NSG2: variants seen among roughly 807,000 people sequenced by gnomAD.
NSG2 encodes neuronal vesicle trafficking-associated protein 2.
In NSG2, 4 loss-of-function variants were observed where a neutral mutation model predicts 16.9. The ratio of observed to expected loss-of-function variants is 0.24; its 90% CI spans 0.12 to 0.54. NSG2 has a LOEUF of 0.54. NSG2 is among the 20% of genes least tolerant of loss of function. The pLI, the probability that NSG2 is intolerant of heterozygous loss-of-function variation, is 0.95. For synonymous variants in NSG2, 98 were observed against 88.7 expected (o/e 1.11, Z -0.59); for missense variants, 179 against 221.1 (o/e 0.81, Z 1.21).
At position 174,108,617 on chromosome 5, in the gene NSG2, T is replaced by G. The variant is rs1761022671; in HGVS notation, c.*1112T>G. 6.6e-6 allele frequency: 1 copy of G among 152,304 alleles called. No homozygotes were observed. The highest frequency in any genetic ancestry group is 1.9e-4 in the East Asian group (1 of 5,314). The allele number at this position is 152,304 out of a possible 1,614,324, so 9.4% of individuals were successfully genotyped here. ...ACTTCGTTGTGTTAAAAGGGGACAT[T>G]TGTCCAAACTCCCCAACCGAGTTCT... On this transcript the variant is annotated 3_prime_UTR_variant, in exon 5 of 5. Transcript: ENST00000303177.
chr5:174,066,257 C>A (rs1760137587), intron 3 of NSG2: 3 of 456,158 alleles, frequency 6.6e-6, no homozygotes, highest in South Asian at 4.6e-5. Flanking sequence ...CAGCTGCGTA[C>A]AAGTACTTGC....
chr5:174,093,461 C>T lies in NSG2; in HGVS notation c.214-10767C>T, dbSNP rs1484056437. Among the ~76,000 whole-genome samples the T allele has an allele frequency of 5.3e-5, 8 of 152,254 alleles. No individual in the cohort carries two copies. The East Asian group carries it at 1.3e-3, about 26-fold the overall frequency. ...CCCAGGTTCATTGGTGAGCAGGTGGCGAGCTGTGCTTTCAGTCTAGACCTT... is the reference window on the plus strand; with the variant it reads ...CCCAGGTTCATTGGTGAGCAGGTGGTGAGCTGTGCTTTCAGTCTAGACCTT... On this transcript the variant is annotated intron_variant, in intron 3 of 4. Transcript: ENST00000303177.
chr5:174,086,063 C>G (rs551488818), intron 3 of NSG2, among the ~76,000 whole-genome samples: 1 of 152,184 alleles, frequency 6.6e-6, no homozygotes, highest in East Asian at 1.9e-4. Flanking sequence ...TTTTTGTGGA[C>G]ACATGTTTCA....
At chr5:174,065,189 G>A (rs545282872) in intron 3 of NSG2, among the ~76,000 whole-genome samples, 28 of 151,998 alleles carry the variant, frequency 1.8e-4, no homozygotes, top group Non-Finnish European at 7.4e-5. Flanking sequence ...TTAGCTGGGC[G>A]TAGTGGCGGG....
chr5:174,074,621 A>T (rs975953104), intron 3 of NSG2, among the ~76,000 whole-genome samples: 2 of 152,058 alleles, frequency 1.3e-5, no homozygotes, highest in Non-Finnish European at 2.9e-5. Flanking sequence ...TAGGGGCTGC[A>T]GTGTGATGTC....
At chr5:174,100,740 G>A (rs1325320438) in intron 3 of NSG2, among the ~76,000 whole-genome samples, 2 of 152,218 alleles carry the variant, frequency 1.3e-5, no homozygotes, top group Non-Finnish European at 2.9e-5. Flanking sequence ...TTAACTCAGG[G>A]GACGTTAGCA....
intron 2 of NSG2, among the ~76,000 whole-genome samples, chr5:174,062,040 C>T (rs1760061742): frequency 6.6e-6 from 1 of 151,852 alleles, no homozygotes; most frequent in African/African-American, 2.4e-5. Context: ...GTGCAAGGCT[C>T]CACTCTACAG....
chr5:174,104,121 C>CT, intron 3 of NSG2, 107 bp from the exon 4 acceptor site: 1 of 767,156 alleles, frequency 1.3e-6, no homozygotes, highest in Non-Finnish European at 2.3e-6. Flanking sequence ...GCCTGTCCCC[C>CT]TTTCTAGCAC....
rs537399482 is a variant in NSG2 at position 174,091,485 on chromosome 5, G to A, written c.214-12743G>A. 3.3e-5 allele frequency among the ~76,000 whole-genome samples: 5 copies of A among 152,334 alleles called. No homozygotes were observed. In the East Asian group the frequency reaches 9.7e-4, roughly 29 times the overall value. Reference sequence around the variant, plus strand: ...ATAGCACATGTGATGTGTGGCTGCAGCTGGAACTGATGGCCTTGGGAGCCT... The same window carrying A: ...ATAGCACATGTGATGTGTGGCTGCAACTGGAACTGATGGCCTTGGGAGCCT... On this transcript the variant is annotated intron_variant, in intron 3 of 4. Transcript: ENST00000303177.
intron 4 of NSG2, among the ~76,000 whole-genome samples, chr5:174,105,803 G>A (rs1367519081): frequency 6.6e-6 from 1 of 152,196 alleles, no homozygotes; most frequent in Non-Finnish European, 1.5e-5. Flanking sequence ...GGGAGGCTGA[G>A]GCAGGAGAAT....
intron 2 of NSG2, among the ~76,000 whole-genome samples, chr5:174,050,791 G>T (rs1018462946): frequency 6.6e-6 from 1 of 152,058 alleles, no homozygotes; most frequent in African/African-American, 2.4e-5. Flanking sequence ...GTGCTGGAGA[G>T]ACTGGTGTTT....
At chr5:174,073,629 TATTA>T (rs2113446271) in intron 3 of NSG2, among the ~76,000 whole-genome samples, 1 of 152,352 alleles carries the variant, frequency 6.6e-6, no homozygotes, top group East Asian at 1.9e-4. Context: ...TGTATGCTGT[TATTA>T]ATTGATAGTT....
chr5:174,054,474 T>C (rs1266416295), intron 2 of NSG2, among the ~76,000 whole-genome samples: 1 of 152,168 alleles, frequency 6.6e-6, no homozygotes, highest in Non-Finnish European at 1.5e-5. Context: ...TCGCGAACTC[T>C]TGGGCTCAAG....
intron 3 of NSG2, among the ~76,000 whole-genome samples, chr5:174,090,185 A>G (rs949466963): frequency 3.3e-5 from 5 of 152,216 alleles, no homozygotes; most frequent in African/African-American, 9.6e-5. Context: ...GGCTGTATGC[A>G]TGGCTGTGAT....
At chr5:174,096,651 G>C (rs1760798033) in intron 3 of NSG2, among the ~76,000 whole-genome samples, 1 of 152,178 alleles carries the variant, frequency 6.6e-6, no homozygotes, top group Non-Finnish European at 1.5e-5. Context: ...TGGAGGCCCA[G>C]GAGCAGTGAG....
intron 3 of NSG2, among the ~76,000 whole-genome samples, chr5:174,089,116 C>T (rs1216979570): frequency 6.6e-6 from 1 of 152,186 alleles, no homozygotes; most frequent in African/African-American, 2.4e-5. Context: ...TGGAATCCCA[C>T]CACTCTTGCC....
chr5:174,068,476 G>A (rs551739015), intron 3 of NSG2, among the ~76,000 whole-genome samples: 1 of 152,216 alleles, frequency 6.6e-6, no homozygotes, highest in Non-Finnish European at 1.5e-5. Flanking sequence ...ATTTTGCTAT[G>A]GATGGTGCTG....
chr5:174,104,825 C>T (rs902917765), intron 4 of NSG2, among the ~76,000 whole-genome samples: 1 of 152,176 alleles, frequency 6.6e-6, no homozygotes, highest in Non-Finnish European at 1.5e-5. Context: ...GCTGCATGAC[C>T]TCTGGGAGTT....
chr5:174,099,486 T>G (rs1760866196), intron 3 of NSG2, among the ~76,000 whole-genome samples: 1 of 151,190 alleles, frequency 6.6e-6, no homozygotes, highest in South Asian at 2.1e-4. Context: ...CAAACATGCC[T>G]CCTGTTGCCC....
Sources: gnomAD v4.1 joint callset for allele counts (sites outside exome capture counted in the v4.1 genomes callset) on GRCh38, gnomAD v4.1.1 for gene constraint, MANE v1.5 for transcripts, NCBI Gene and HGNC (gene_info 2026-07-23, HGNC 2026-07-21) for gene names.